The following GRIN2B variants were observed in gnomAD, a reference collection of about 807,000 sequenced individuals.
The protein encoded by GRIN2B is glutamate receptor ionotropic, NMDA 2B.
GRIN2B carries 5 observed loss-of-function variants against 114.5 expected under a neutral mutation model. The ratio of observed to expected loss-of-function variants is 0.04; its 90% CI spans 0.02 to 0.09. The LOEUF is 0.09. Among genes scored for constraint, GRIN2B ranks in the 10% least tolerant of loss-of-function variants. The pLI is 1.00. For synonymous variants in GRIN2B, 787 were observed against 745.1 expected, an observed-to-expected ratio of 1.06 and a Z score of -0.92; for missense variants, 1,108 against 1,943.5, an observed-to-expected ratio of 0.57 and a Z score of 8.08.
chr12:13,687,169 G>C (rs577043867), intron 4 of GRIN2B, among the ~76,000 whole-genome samples: 27 of 152,200 alleles, frequency 1.8e-4, no homozygotes, highest in Admixed American at 3.9e-4. Flanking sequence ...TACCAGCCTT[G>C]AGTTTTCTTT....
At chr12:13,937,876 TG>T (rs1052395759) in intron 2 of GRIN2B, among the ~76,000 whole-genome samples, 2 of 152,088 alleles carry the variant, frequency 1.3e-5, no homozygotes, top group Admixed American at 1.3e-4. Context: ...ATTACACTTC[TG>T]AAGTGGGAAG....
intron 2 of GRIN2B, among the ~76,000 whole-genome samples, chr12:13,974,746 A>G (rs2136876049): frequency 6.6e-6 from 1 of 152,252 alleles, no homozygotes; most frequent in South Asian, 2.1e-4. Context: ...ACACCACTAG[A>G]TCCTGCTCCA....
At chr12:13,922,477 A>C (rs537351645) in intron 2 of GRIN2B, among the ~76,000 whole-genome samples, 1 of 152,330 alleles carries the variant, frequency 6.6e-6, no homozygotes, top group East Asian at 1.9e-4. Context: ...GACTCCAGAA[A>C]AGAGACTGAT....
chr12:13,658,738 T>C (rs1949891891), intron 5 of GRIN2B, among the ~76,000 whole-genome samples: 1 of 152,050 alleles, frequency 6.6e-6, no homozygotes. Flanking sequence ...AGCTACATTG[T>C]TCTGTGATTG....
rs912447943 is a variant in GRIN2B at position 13,548,591 on chromosome 12, A to G, written c.*14192T>C. On this transcript the variant is annotated 3_prime_UTR_variant, in exon 14 of 14. Coordinates refer to ENST00000609686, the MANE Select transcript of GRIN2B (RefSeq NM_000834.5). ...TTGGCCCTGTGACCTGTTTTTCAGGATCATCATGATCCAGGTATCTGTAAT... is the reference window on the plus strand; with the variant it reads ...TTGGCCCTGTGACCTGTTTTTCAGGGTCATCATGATCCAGGTATCTGTAAT... The G allele has an allele frequency of 2.6e-5, 4 of 151,806 alleles. No individual in the cohort carries two copies. Among genetic ancestry groups the G allele is most frequent in the Non-Finnish European group, 5.9e-5 (4 of 67,948 alleles). 9.4% of individuals were successfully genotyped at this position (151,806 alleles called of 1,614,324 possible). A position where few individuals can be genotyped will look rare whatever the true frequency, so the allele number is the denominator to read the frequency against.
intron 3 of GRIN2B, among the ~76,000 whole-genome samples, chr12:13,785,471 T>A (rs997647403): frequency 2.0e-5 from 3 of 152,184 alleles, no homozygotes; most frequent in Non-Finnish European, 2.9e-5. Context: ...ACATGCCTTA[T>A]GTCCCAGCCA....
chr12:13,701,078 G>C (rs111456947), intron 4 of GRIN2B, among the ~76,000 whole-genome samples: 4 of 152,298 alleles, frequency 2.6e-5, no homozygotes, highest in African/African-American at 9.6e-5. Context: ...GCAGGAAGAA[G>C]AAGTGCACAC....
intron 5 of GRIN2B, among the ~76,000 whole-genome samples, chr12:13,666,195 C>A (rs1430621225): frequency 6.6e-6 from 1 of 152,186 alleles, no homozygotes; most frequent in African/African-American, 2.4e-5. Context: ...TCTATGTGCA[C>A]TCTTCTCCTT....
At chr12:13,658,763 T>G (rs1469198565) in intron 5 of GRIN2B, among the ~76,000 whole-genome samples, 3 of 151,944 alleles carry the variant, frequency 2.0e-5, no homozygotes, top group African/African-American at 7.2e-5. Context: ...GCATGGTCTG[T>G]TTTTGATGGG....
At chr12:13,932,124 T>C (rs1867045149) in intron 2 of GRIN2B, among the ~76,000 whole-genome samples, 1 of 152,226 alleles carries the variant, frequency 6.6e-6, no homozygotes, top group African/African-American at 2.4e-5. Flanking sequence ...CCAATTCCTT[T>C]TTTTAATACA....
intron 3 of GRIN2B, among the ~76,000 whole-genome samples, chr12:13,754,581 A>AC (rs201134545): frequency 7.1e-5 from 2 of 28,012 alleles, no homozygotes; most frequent in Non-Finnish European, 1.2e-4. Context: ...GTGTTCTATA[A>AC]ACATATAAAT....
intron 3 of GRIN2B, among the ~76,000 whole-genome samples, chr12:13,767,853 T>C (rs569396863): frequency 1.1e-4 from 17 of 152,320 alleles, no homozygotes; most frequent in East Asian, 3.9e-4. Flanking sequence ...AGAAACTCCA[T>C]AGTATTAGTA....
intron 2 of GRIN2B, among the ~76,000 whole-genome samples, chr12:13,952,315 G>A (rs552612521): frequency 6.6e-6 from 1 of 152,290 alleles, no homozygotes; most frequent in South Asian, 2.1e-4. Context: ...TCCCCGTTGT[G>A]TTAATGAAAC....
At chr12:13,830,538 T>C (rs567929690) in intron 3 of GRIN2B, among the ~76,000 whole-genome samples, 1 of 152,356 alleles carries the variant, frequency 6.6e-6, no homozygotes, top group Non-Finnish European at 1.5e-5. Flanking sequence ...CATTAGCTTT[T>C]CTTTCACACA....
At chr12:13,700,311 A>T (rs12308271) in intron 4 of GRIN2B, among the ~76,000 whole-genome samples, 38,015 of 152,088 alleles carry the variant, frequency 0.25, 5,717 homozygotes, top group Middle Eastern at 0.46. Context: ...TTTCTACTAC[A>T]ATGAGAACAT....
intron 5 of GRIN2B, among the ~76,000 whole-genome samples, chr12:13,661,623 G>A (rs1375382928): frequency 6.6e-6 from 1 of 152,044 alleles, no homozygotes; most frequent in East Asian, 1.9e-4. Flanking sequence ...ACTCTTTTTC[G>A]AACTCATCCG....
chr12:13,832,944 A>G (rs1333861581), intron 3 of GRIN2B, among the ~76,000 whole-genome samples: 1 of 152,142 alleles, frequency 6.6e-6, no homozygotes, highest in Non-Finnish European at 1.5e-5. Flanking sequence ...CATCAACACT[A>G]TATATTTTAA....
chr12:13,820,434 G>A (rs1864912149), intron 3 of GRIN2B, among the ~76,000 whole-genome samples: 2 of 152,146 alleles, frequency 1.3e-5, no homozygotes, highest in South Asian at 4.1e-4. Flanking sequence ...CTAAGAACTA[G>A]AGATACAACA....
chr12:13,827,959 C>T (rs11055632), intron 3 of GRIN2B, among the ~76,000 whole-genome samples: 18,993 of 152,200 alleles, frequency 0.12, 1,282 homozygotes, highest in South Asian at 0.19. Context: ...GGATTCCAGG[C>T]GTGAGCCACC....
Sources: allele counts gnomAD v4.1 joint callset (sites outside exome capture counted in the v4.1 genomes callset), GRCh38; gene constraint gnomAD v4.1.1; transcripts MANE v1.5; gene names NCBI Gene and HGNC (gene_info 2026-07-23, HGNC 2026-07-21).